The following ZBTB40 variants were observed in gnomAD, a reference collection of about 807,000 sequenced individuals.
The protein encoded by ZBTB40 is zinc finger and BTB domain-containing protein 40.
A neutral mutation model predicts 117.5 loss-of-function variants in ZBTB40; 60 were observed. The ratio of observed to expected loss-of-function variants is 0.51; its 90% CI spans 0.41 to 0.63. ZBTB40 has a LOEUF of 0.63. Ranked by LOEUF, ZBTB40 falls within the 30% of genes least tolerant of loss-of-function variation. The probability of loss-of-function intolerance (pLI) is 0.00; values close to 1 mark genes in which losing one functional copy is unlikely to be tolerated. For missense variants in ZBTB40, 1,287 were observed against 1,498.5 expected (o/e 0.86, Z 2.33); for synonymous variants, 525 against 577.1 (o/e 0.91, Z 1.29).
At chr1:22,509,323 G>A in intron 9 of ZBTB40, 90 bp downstream of exon 9, 1 of 1,579,794 alleles carries the variant, frequency 6.3e-7, no homozygotes. Flanking sequence ...CCAATAGTTG[G>A]TTGGGTTGTT....
At chr1:22,432,347 C>T (rs1036456664) in intron 1 of ZBTB40, among the ~76,000 whole-genome samples, 1 of 152,234 alleles carries the variant, frequency 6.6e-6, no homozygotes, top group Non-Finnish European at 1.5e-5. Flanking sequence ...GGAAAGGACT[C>T]TCCTAACCTT....
intron 15 of ZBTB40, 35 bp from the exon 16 acceptor site, chr1:22,522,342 C>T (rs781586626): frequency 8.7e-6 from 14 of 1,609,308 alleles, no homozygotes; most frequent in South Asian, 4.4e-5. Context: ...ACCATTTGTT[C>T]TTTCCCAGCA....
intron 3 of ZBTB40, among the ~76,000 whole-genome samples, chr1:22,500,112 A>AT (rs1228969628): frequency 6.6e-6 from 1 of 152,230 alleles, no homozygotes; most frequent in Non-Finnish European, 1.5e-5. Flanking sequence ...TGGTTACCAG[A>AT]TTTTTTCAAG....
rs147945412 is a variant in ZBTB40 at position 22,479,362 on chromosome 1, T to C, written c.-69-10518T>C. 5.2e-3 allele frequency among the ~76,000 whole-genome samples: 787 copies of C among 152,344 alleles called. 12 individuals carry two copies. The highest frequency in any genetic ancestry group is 0.017 in the African/African-American group (724 of 41,584). On this transcript the variant is annotated intron_variant, in intron 1 of 17. Transcript: ENST00000375647. ...TCTTTCTGGTTCAGTTTCCTTCTTA[T>C]AGTAATTCTTTCAGTGACAGTCTCT...
In ZBTB40 at chr1:22,490,117, G is replaced by C; in HGVS notation, c.169G>C (p.Asp57His). 1 of 1,614,198 alleles carries C rather than the reference G, an allele frequency of 6.2e-7. No individual in the cohort carries two copies. The highest frequency in any genetic ancestry group is 8.5e-7 in the Non-Finnish European group (1 of 1,180,042). The change falls in exon 2 of 18, where the codon GAT (aspartate) becomes CAT (histidine). Residue 57 changes from aspartate (D) to histidine (H), a missense_variant. Around this residue, in one of 2 missense-constraint regions of ZBTB40, gnomAD observed 870 missense variants for 934.4 expected, o/e 0.93. Coordinates refer to ENST00000375647, the MANE Select transcript of ZBTB40 (RefSeq NM_014870.4). ...LLFKTLLDNT[D>H]TISIDASVVS... ...GTTCAAAACCCTGCTGGATAACACAGATACCATCTCCATCGATGCATCTGT... is the reference window on the plus strand; with the variant it reads ...GTTCAAAACCCTGCTGGATAACACACATACCATCTCCATCGATGCATCTGT...
intron 3 of ZBTB40, among the ~76,000 whole-genome samples, chr1:22,496,008 C>T (rs538536606): frequency 2.6e-5 from 4 of 152,184 alleles, no homozygotes; most frequent in Non-Finnish European, 5.9e-5. Context: ...TTTTCCAGTT[C>T]TCTCATCTGT....
In ZBTB40 at chr1:22,490,057, G is replaced by T. The variant is rs1254229990; in HGVS notation, c.109G>T (p.Ala37Ser). ...TISIGTIYFR[A>S]HKLVLAAASL... ...CTCCATTGGTACCATTTACTTCAGGGCTCACAAGCTTGTCCTGGCTGCTGC... is the reference window on the plus strand; with the variant it reads ...CTCCATTGGTACCATTTACTTCAGGTCTCACAAGCTTGTCCTGGCTGCTGC... The change falls in exon 2 of 18, where the codon GCT becomes TCT. Residue 37 changes from alanine (A) to serine (S), a missense_variant. By Grantham distance (99) the Ala-to-Ser change is moderately conservative (BLOSUM62 1). Transcript: ENST00000375647. 3 of 1,613,998 alleles carry T rather than the reference G, an allele frequency of 1.9e-6. No individual in the cohort carries two copies. The highest frequency in any genetic ancestry group is 2.5e-6 in the Non-Finnish European group (3 of 1,180,026).
At chr1:22,521,413 ATTTC>A in intron 14 of ZBTB40, 79 bp from the exon 15 acceptor site, 1 of 1,560,594 alleles carries the variant, frequency 6.4e-7, no homozygotes, top group Non-Finnish European at 8.8e-7. Context: ...CCAAAAATGT[ATTTC>A]TTTCTCTCAT....
chr1:22,444,742 G>A (rs1640769879), intron 1 of ZBTB40, among the ~76,000 whole-genome samples: 1 of 152,142 alleles, frequency 6.6e-6, no homozygotes, highest in African/African-American at 2.4e-5. Context: ...AGAATGAAAG[G>A]AGAAGAAACA....
At chr1:22,482,293 T>A (rs926076268) in intron 1 of ZBTB40, among the ~76,000 whole-genome samples, 1 of 152,198 alleles carries the variant, frequency 6.6e-6, no homozygotes, top group African/African-American at 2.4e-5. Context: ...TATATTTATT[T>A]CAGCAAATCT....
intron 1 of ZBTB40, among the ~76,000 whole-genome samples, chr1:22,435,594 T>C (rs1383541134): frequency 1.3e-5 from 2 of 152,080 alleles, no homozygotes; most frequent in South Asian, 2.1e-4. Flanking sequence ...TAAAGAACAG[T>C]GGTGAGAGTG....
intron 1 of ZBTB40, among the ~76,000 whole-genome samples, chr1:22,478,475 C>T (rs996995593): frequency 6.6e-6 from 1 of 152,058 alleles, no homozygotes; most frequent in Non-Finnish European, 1.5e-5. Context: ...TCTTGATCTC[C>T]TGACCTCGTG....
chr1:22,439,878 A>T (rs556160474), intron 1 of ZBTB40, among the ~76,000 whole-genome samples: 4 of 152,282 alleles, frequency 2.6e-5, no homozygotes, highest in Non-Finnish European at 4.4e-5. Context: ...AAAAAATGTC[A>T]TTGGTGTTTT....
chr1:22,503,342 G>C (rs539671645), intron 5 of ZBTB40, among the ~76,000 whole-genome samples: 73 of 150,368 alleles, frequency 4.9e-4, no homozygotes, highest in Admixed American at 1.3e-3. Context: ...AAAACTGCTG[G>C]CATGACTTCT....
intron 3 of ZBTB40, among the ~76,000 whole-genome samples, chr1:22,492,836 A>G (rs1638670151): frequency 6.6e-6 from 1 of 152,216 alleles, no homozygotes; most frequent in Non-Finnish European, 1.5e-5. Flanking sequence ...GCTGAAGGAC[A>G]TTATGGTTTT....
At chr1:22,454,060 C>A (rs1232090363) in intron 1 of ZBTB40, among the ~76,000 whole-genome samples, 1 of 152,202 alleles carries the variant, frequency 6.6e-6, no homozygotes, top group Admixed American at 6.5e-5. Flanking sequence ...AGTGATTCTT[C>A]TGCCTCAACC....
intron 1 of ZBTB40, among the ~76,000 whole-genome samples, chr1:22,431,268 A>T (rs1320333928): frequency 2.1e-5 from 3 of 146,264 alleles, no homozygotes; most frequent in Non-Finnish European, 4.5e-5. Context: ...GTATATATTG[A>T]ATATATACAA....
intron 1 of ZBTB40, among the ~76,000 whole-genome samples, chr1:22,441,008 G>A (rs939588065): frequency 1.3e-5 from 2 of 152,140 alleles, no homozygotes; most frequent in African/African-American, 4.8e-5. Context: ...GAGTTGGGAA[G>A]TGTTTCCTCC....
intron 8 of ZBTB40, 143 bp from the exon 9 acceptor site, chr1:22,508,957 A>G (rs1215460076): frequency 3.1e-6 from 4 of 1,284,356 alleles, no homozygotes; most frequent in Middle Eastern, 3.7e-4. Flanking sequence ...TTACAGTGCT[A>G]TTTGCCGTTT....
Sources: gnomAD v4.1 joint callset for allele counts (sites outside exome capture counted in the v4.1 genomes callset) on GRCh38, gnomAD v4.1.1 for gene constraint, gnomAD v4.1.1 regional missense constraint, MANE v1.5 for transcripts, NCBI Gene and HGNC (gene_info 2026-07-23, HGNC 2026-07-21) for gene names.